The following FAM120C variants were observed in gnomAD, a reference collection of about 807,000 sequenced individuals.
FAM120C encodes family with sequence similarity 120 member C.
FAM120C carries 14 observed loss-of-function variants against 71.2 expected under a neutral mutation model. That is an observed-to-expected ratio of 0.20 (90% confidence interval 0.13 to 0.31). The LOEUF is 0.31. Ranked by LOEUF, FAM120C falls within the 10% of genes least tolerant of loss-of-function variation. FAM120C has a pLI of 1.00. For missense variants in FAM120C, 500 were observed against 879.0 expected, an observed-to-expected ratio of 0.57 and a Z score of 5.45; for synonymous variants, 354 against 353.2, an observed-to-expected ratio of 1.00 and a Z score of -0.03.
rs10710810 is a variant in FAM120C at position 54,095,355 on chromosome X, C to CT, written c.2313-3930dup. ...CAGTAGCTCCCCCTTTACTCCACATCTTTTTTTTTTTTTTTTTTTTTGGAG... is the reference window on the plus strand; with the variant it reads ...CAGTAGCTCCCCCTTTACTCCACATCTTTTTTTTTTTTTTTTTTTTTTGGAG... On this transcript the variant is annotated intron_variant, in intron 10 of 15. Coordinates refer to ENST00000375180, the MANE Select transcript of FAM120C (RefSeq NM_017848.6). Among the ~76,000 whole-genome samples, 105 of 41,113 alleles carry CT rather than the reference C, an allele frequency of 2.6e-3. 1 individual carries two copies. Among genetic ancestry groups the CT allele is most frequent in the African/African-American group, 8.7e-3 (96 of 11,056 alleles). The allele number at this position is 41,113 out of a possible 115,157, so 35.7% of individuals were successfully genotyped here.
intron 1 of FAM120C, among the ~76,000 whole-genome samples, chrX:54,167,923 G>A (rs1183012721): frequency 7.7e-5 from 8 of 104,534 alleles, no homozygotes; most frequent in East Asian, 3.0e-4. Context: ...AGCTGAGATC[G>A]CGCCACTGCA....
chrX:54,132,183 G>C (rs782542472), intron 9 of FAM120C, among the ~76,000 whole-genome samples: 4 of 110,860 alleles, frequency 3.6e-5, no homozygotes, highest in African/African-American at 1.3e-4. Context: ...AGCCCCCCAA[G>C]TAGCTGGGAC....
Position 54,137,128 on chromosome X carries a change from T to G in FAM120C, c.1159-538A>C, listed in dbSNP as rs946781571. On this transcript the variant is annotated intron_variant, in intron 4 of 15. Transcript: ENST00000375180. ...CCACCACGCCCAGCTAACTTCTGTA[T>G]TTTTAGTAGAGACAGGGTTTCACTA... Among the ~76,000 whole-genome samples, 42 of 110,740 alleles carry G rather than the reference T, an allele frequency of 3.8e-4. 1 individual carries two copies. The highest frequency in any genetic ancestry group is 1.3e-4 in the Non-Finnish European group (7 of 52,853).
intron 13 of FAM120C, among the ~76,000 whole-genome samples, chrX:54,085,133 G>A (rs782376249): frequency 9.8e-5 from 11 of 111,841 alleles, no homozygotes; most frequent in Non-Finnish European, 1.9e-4. Flanking sequence ...TATGACTTAC[G>A]GTTCTCTAAA....
intron 10 of FAM120C, among the ~76,000 whole-genome samples, chrX:54,106,946 TTGG>T (rs1351642486): frequency 1.8e-5 from 2 of 111,663 alleles, no homozygotes. Flanking sequence ...TTTTATGCTG[TTGG>T]TGGGAGTGTA....
intron 10 of FAM120C, among the ~76,000 whole-genome samples, chrX:54,113,342 C>T (rs1352360370): frequency 2.8e-5 from 3 of 108,930 alleles, no homozygotes; most frequent in African/African-American, 1.0e-4. Flanking sequence ...CACCTGTAAT[C>T]CCAGCTACTC....
chrX:54,093,296 G>A (rs1320178191), intron 10 of FAM120C, among the ~76,000 whole-genome samples: 3 of 111,764 alleles, frequency 2.7e-5, no homozygotes, highest in East Asian at 2.8e-4. Context: ...AGCTCCTAAA[G>A]GAGTCAAGTG....
intron 9 of FAM120C, among the ~76,000 whole-genome samples, chrX:54,128,883 A>T (rs1324029886): frequency 3.6e-5 from 4 of 110,814 alleles, no homozygotes; most frequent in African/African-American, 1.3e-4. Context: ...TTCTACACAG[A>T]CACAGCAACC....
chrX:54,123,961 T>C (rs1183176571), intron 9 of FAM120C, among the ~76,000 whole-genome samples: 2 of 89,956 alleles, frequency 2.2e-5, no homozygotes, highest in African/African-American at 4.1e-5. Flanking sequence ...GCTGCAGGTC[T>C]GTTGGAATAC....
intron 10 of FAM120C, among the ~76,000 whole-genome samples, chrX:54,114,971 C>A (rs2066960284): frequency 9.1e-6 from 1 of 109,922 alleles, no homozygotes; most frequent in African/African-American, 3.3e-5. Context: ...GCTGTCCAGG[C>A]TGGTCTTGAA....
chrX:54,182,451 G>T, intron 1 of FAM120C, 49 bp downstream of exon 1: 4 of 1,141,255 alleles, frequency 3.5e-6, no homozygotes, highest in Non-Finnish European at 4.7e-6. Flanking sequence ...ATTTAGTTGG[G>T]AGGGAATAGG....
intron 14 of FAM120C, 64 bp downstream of exon 14, chrX:54,081,258 T>C (rs2066763222): frequency 9.1e-7 from 1 of 1,093,124 alleles, no homozygotes; most frequent in Non-Finnish European, 1.2e-6. Context: ...CTAGGCATTT[T>C]TCCAAGGAGG....
intron 10 of FAM120C, among the ~76,000 whole-genome samples, chrX:54,105,967 A>G (rs2066904884): frequency 8.9e-6 from 1 of 112,187 alleles, no homozygotes; most frequent in Non-Finnish European, 1.9e-5. Flanking sequence ...CAATGTCGTG[A>G]AAATGGCCAT....
At chrX:54,163,434 G>A (rs782023475) in intron 1 of FAM120C, among the ~76,000 whole-genome samples, 7 of 112,121 alleles carry the variant, frequency 6.2e-5, no homozygotes, top group Non-Finnish European at 1.9e-5. Context: ...GCCATATATT[G>A]TATGACTTCT....
chrX:54,131,332 G>A (rs990388110), intron 9 of FAM120C, among the ~76,000 whole-genome samples: 2 of 109,227 alleles, frequency 1.8e-5, no homozygotes, highest in East Asian at 2.9e-4. Context: ...GCAGTGGCGC[G>A]ATCACAGCTC....
At position 54,141,622 on chromosome X, in the gene FAM120C, C is replaced by A. The variant is rs375813468; in HGVS notation, c.1159-5032G>T. ...TATCATTTGGAAATCCTAGACAGTGCAGTATAGTCAAGAAGAAAAAGGCAT... is the reference window on the plus strand; with the variant it reads ...TATCATTTGGAAATCCTAGACAGTGAAGTATAGTCAAGAAGAAAAAGGCAT... On this transcript the variant is annotated intron_variant, in intron 4 of 15. Transcript: ENST00000375180. Among the ~76,000 whole-genome samples the A allele has an allele frequency of 6.4e-5, 7 of 109,076 alleles. No individual in the cohort carries two copies. In the East Asian group the frequency reaches 1.4e-3, roughly 23 times the overall value. 94.7% of individuals were successfully genotyped at this position (109,076 alleles called of 115,157 possible).
rs781907375 is a variant in FAM120C, at chrX:54,100,361, C to T, written c.2313-8935G>A. Among the ~76,000 whole-genome samples the T allele has an allele frequency of 9.0e-5, 10 of 111,049 alleles. No homozygotes were observed. The East Asian group carries it at 1.1e-3, about 13-fold the overall frequency. On this transcript the variant is annotated intron_variant, in intron 10 of 15. Coordinates refer to ENST00000375180, the MANE Select transcript of FAM120C (RefSeq NM_017848.6). ...AAAAAAAATTAGCCGGGTGTGGCAG[C>T]GGGCACCTGTAGTCCCAGCTACTCG...
At chrX:54,181,028 T>A (rs781928519) in intron 1 of FAM120C, among the ~76,000 whole-genome samples, 1 of 110,035 alleles carries the variant, frequency 9.1e-6, no homozygotes, top group Non-Finnish European at 1.9e-5. Flanking sequence ...GTGCCTTTTT[T>A]TTTTTTTTTA....
chrX:54,177,984 T>C (rs2067327429), intron 1 of FAM120C, among the ~76,000 whole-genome samples: 1 of 112,061 alleles, frequency 8.9e-6, no homozygotes, highest in South Asian at 3.7e-4. Context: ...GAAATGCATG[T>C]GGCAGCTTCA....
Sources: gnomAD v4.1 joint callset for allele counts (sites outside exome capture counted in the v4.1 genomes callset) on GRCh38, gnomAD v4.1.1 for gene constraint, MANE v1.5 for transcripts, NCBI Gene and HGNC (gene_info 2026-07-23, HGNC 2026-07-21) for gene names.